The following B2M variants were observed in gnomAD, a reference collection of about 807,000 sequenced individuals.
The protein encoded by B2M is beta chain of MHC class I molecules.
In B2M, 3 loss-of-function variants were observed where a neutral mutation model predicts 14.5. The ratio of observed to expected loss-of-function variants is 0.21; its 90% CI spans 0.09 to 0.53. B2M has a LOEUF of 0.53. Ranked by LOEUF, B2M falls within the 20% of genes least tolerant of loss-of-function variation. The pLI is 0.95. For missense variants in B2M, 107 were observed against 140.8 expected (o/e 0.76, Z 1.21); for synonymous variants, 45 against 52.7 (o/e 0.85, Z 0.64).
chr15:44,715,256 G>A (rs1011698192), intron 1 of B2M, 167 bp from the exon 2 acceptor site: 3 of 744,360 alleles, frequency 4.0e-6, no homozygotes, highest in Non-Finnish European at 4.6e-6. Flanking sequence ...TCAAAATGGA[G>A]GTGGCTTGTT....
At chr15:44,712,916 C>T (rs1418538337) in intron 1 of B2M, 2 of 150,722 alleles carry the variant, frequency 1.3e-5, no homozygotes, top group Non-Finnish European at 2.9e-5. Context: ...GCGGGAGGAT[C>T]TCTTGAGCTT....
At chr15:44,715,329 G>A (rs997889489) in intron 1 of B2M, 94 bp from the exon 2 acceptor site, 168 of 1,432,110 alleles carry the variant, frequency 1.2e-4, no homozygotes, top group Non-Finnish European at 1.6e-4. Flanking sequence ...ATGACCAAAT[G>A]TAAACACTTG....
In B2M at chr15:44,717,989, T is replaced by C. The variant is rs2086962620; in HGVS notation, c.*397T>C. 1 of 152,222 alleles carries C rather than the reference T, an allele frequency of 6.6e-6. No homozygotes were observed. The highest frequency in any genetic ancestry group is 2.1e-4 in the South Asian group (1 of 4,838). The allele number at this position is 152,222 out of a possible 1,614,324, so 9.4% of individuals were successfully genotyped here. ...TAGAATTTGGGGGAAAATTTAGAAATATAATTGACAGGATTATTGGAAATT... is the reference window on the plus strand; with the variant it reads ...TAGAATTTGGGGGAAAATTTAGAAACATAATTGACAGGATTATTGGAAATT... On this transcript the variant is annotated 3_prime_UTR_variant, in exon 4 of 4. Coordinates refer to ENST00000648006, the MANE Select transcript of B2M (RefSeq NM_004048.4).
At chr15:44,716,405 CTATT>C in intron 3 of B2M, 49 bp downstream of exon 3, 1 of 1,525,354 alleles carries the variant, frequency 6.6e-7, no homozygotes, top group Non-Finnish European at 9.1e-7. Context: ...GTCCTGAGGA[CTATT>C]TATAGACAGC....
chr15:44,716,552 G>T (rs1566877629), intron 3 of B2M, 196 bp downstream of exon 3: 2 of 633,048 alleles, frequency 3.2e-6, no homozygotes, highest in Non-Finnish European at 5.5e-6. Context: ...CCCAGGTATG[G>T]CCATATTACT....
chr15:44,716,425 C>A, intron 3 of B2M, 69 bp downstream of exon 3: 1 of 1,417,752 alleles, frequency 7.1e-7, no homozygotes, highest in Non-Finnish European at 1.0e-6. Flanking sequence ...ACAGCTCTAA[C>A]ATGATAACCC....
Position 44,716,355 on chromosome 15 carries a change from AG to A in B2M, c.*14+1del. On this transcript the variant is annotated splice_region_variant and 3_prime_UTR_variant, in exon 3 of 4. Coordinates refer to ENST00000648006, the MANE Select transcript of B2M (RefSeq NM_004048.4). The stretch of plus-strand genomic sequence containing the variant: ...TCGAGACATGTAAGCAGCATCATGG[AG>A]GTAAGTTTTTGACCTTGAGAAAATG... The A allele has an allele frequency of 6.2e-7, 1 of 1,611,538 alleles. No individual in the cohort carries two copies. The highest frequency in any genetic ancestry group is 8.5e-7 in the Non-Finnish European group (1 of 1,177,718).
intron 1 of B2M, chr15:44,714,310 A>G (rs1207835528): frequency 1.3e-5 from 2 of 152,172 alleles, no homozygotes; most frequent in Non-Finnish European, 2.9e-5. Flanking sequence ...ATCGGGTCCA[A>G]CTCAACCATT....
rs201416792 is a variant in B2M, at chr15:44,715,374, A to C, written c.68-49A>C. 6 of 1,588,718 alleles carry C rather than the reference A, an allele frequency of 3.8e-6. No homozygotes were observed. The East Asian group carries it at 1.1e-4, about 30-fold the overall frequency. On this transcript the variant is annotated intron_variant, in intron 1 of 3. Transcript: ENST00000648006. ...ATAGCTTGACACCAAGTTAGCCCCA[A>C]GTGAAATACCCTGGCAATATTAATG... is the stretch of plus-strand genomic sequence containing the variant.
intron 1 of B2M, 29 bp downstream of exon 1, chr15:44,711,642 T>G (rs2086868532): frequency 1.9e-6 from 3 of 1,598,166 alleles, no homozygotes; most frequent in Non-Finnish European, 2.6e-6. Flanking sequence ...CCCGCTCTGG[T>G]CCTTCCTCTC....
intron 2 of B2M, 57 bp from the exon 3 acceptor site, chr15:44,716,272 T>C: frequency 6.4e-7 from 1 of 1,558,852 alleles, no homozygotes; most frequent in Non-Finnish European, 8.8e-7. Context: ...TAGTACATGG[T>C]ATTTTAAAAG....
intron 3 of B2M, chr15:44,716,723 A>G (rs2086945874): frequency 3.3e-6 from 1 of 302,686 alleles, no homozygotes; most frequent in Non-Finnish European, 6.2e-6. Flanking sequence ...TCCTTTGTAT[A>G]ATGTTGTTTT....
chr15:44,717,007 C>A (rs2086949394), intron 3 of B2M: 1 of 152,240 alleles, frequency 6.6e-6, no homozygotes, highest in South Asian at 2.1e-4. Flanking sequence ...ATGCTGAAAC[C>A]CCATTCAAAT....
At chr15:44,714,270 C>A in intron 1 of B2M, 1 of 152,324 alleles carries the variant, frequency 6.6e-6, no homozygotes. Flanking sequence ...TCCCATTTGC[C>A]ATAGTCCTCA....
intron 2 of B2M, 144 bp from the exon 3 acceptor site, chr15:44,716,185 G>T: frequency 1.1e-6 from 1 of 930,864 alleles, no homozygotes; most frequent in Non-Finnish European, 1.7e-6. Context: ...CTGCTGGGTA[G>T]CTCTAAACAA....
intron 2 of B2M, chr15:44,716,023 G>A (rs2086937345): frequency 1.7e-6 from 1 of 598,666 alleles, no homozygotes; most frequent in Non-Finnish European, 3.0e-6. Flanking sequence ...AGCTTTTGTG[G>A]CAGCTTCAGG....
At chr15:44,713,149 C>T (rs1032090117) in intron 1 of B2M, 1 of 152,104 alleles carries the variant, frequency 6.6e-6, no homozygotes, top group Non-Finnish European at 1.5e-5. Context: ...TTCTAAGTAC[C>T]TGGCAATACA....
At position 44,717,930 on chromosome 15, in the gene B2M, T is replaced by C. The variant is rs1475532784; in HGVS notation, c.*338T>C. ...CAAAGCTTGTTAAGATAGTTAAGCG[T>C]GCATAAGTTAACTTCCAATTTACAT... On this transcript the variant is annotated 3_prime_UTR_variant, in exon 4 of 4. Coordinates refer to ENST00000648006, the MANE Select transcript of B2M (RefSeq NM_004048.4). 1.3e-5 allele frequency: 2 copies of C among 152,196 alleles called. No individual in the cohort carries two copies. Among genetic ancestry groups the C allele is most frequent in the Non-Finnish European group, 2.9e-5 (2 of 68,036 alleles). 9.4% of individuals were successfully genotyped at this position (152,196 alleles called of 1,614,324 possible). A position where few individuals can be genotyped will look rare whatever the true frequency, so the allele number is the denominator to read the frequency against.
At chr15:44,716,274 T>G in intron 2 of B2M, 55 bp from the exon 3 acceptor site, 2 of 1,567,346 alleles carry the variant, frequency 1.3e-6, no homozygotes, top group Non-Finnish European at 8.8e-7. Context: ...GTACATGGTA[T>G]TTTAAAAGTA....
Sources: gnomAD v4.1 joint callset for allele counts on GRCh38, gnomAD v4.1.1 for gene constraint, MANE v1.5 for transcripts, NCBI Gene and HGNC (gene_info 2026-07-23, HGNC 2026-07-21) for gene names.